Variants in ZNF835 observed in about 807,000 individuals in gnomAD.
ZNF835 encodes zinc finger protein 835.
For synonymous variants in ZNF835, 323 were observed against 324.7 expected, an observed-to-expected ratio of 0.99 and a Z score of 0.06; for missense variants, 783 against 758.4, an observed-to-expected ratio of 1.03 and a Z score of -0.38.
At chr19:56,665,419 T>A (rs780971488) in intron 1 of ZNF835, 174 bp from the exon 2 acceptor site, 2 of 764,254 alleles carry the variant, frequency 2.6e-6, no homozygotes, top group Admixed American at 3.4e-5. Context: ...TGTTGTGAGA[T>A]GTTGAGCAGC....
intron 1 of ZNF835, among the ~76,000 whole-genome samples, chr19:56,671,304 C>G (rs561570690): frequency 1.3e-5 from 2 of 151,502 alleles, no homozygotes; most frequent in Admixed American, 1.3e-4. Flanking sequence ...CTGGCACCGC[C>G]AAGTGAGCAG....
In ZNF835 at chr19:56,664,420, C is replaced by T. The variant is rs372907912; in HGVS notation, c.779G>A (p.Arg260His). The part of the protein sequence containing the change: ...YECSACAKAF[R>H]FSSALIRHQR... Reference sequence around the variant, plus strand: ...GTGGCGGATGAGCGCTGAGGAGAAGCGGAAGGCCTTGGCGCACGCGGAGCA... The same window carrying T: ...GTGGCGGATGAGCGCTGAGGAGAAGTGGAAGGCCTTGGCGCACGCGGAGCA... Residue 260 changes from arginine (R) to histidine (H), a missense_variant, in exon 2 of 2, where the codon CGC becomes CAC. Arg to His is a conservative substitution (Grantham distance 29, BLOSUM62 0). Transcript: ENST00000537055. 2 of 1,611,534 alleles carry T rather than the reference C, an allele frequency of 1.2e-6. No individual in the cohort carries two copies. The highest frequency in any genetic ancestry group is 1.3e-5 in the African/African-American group (1 of 74,288).
chr19:56,665,864 C>T (rs1362572636), intron 1 of ZNF835, among the ~76,000 whole-genome samples: 1 of 152,034 alleles, frequency 6.6e-6, no homozygotes, highest in East Asian at 1.9e-4. Flanking sequence ...ACAAAATTGC[C>T]CCCAGTTGGG....
In ZNF835 at chr19:56,664,662, C is replaced by T; in HGVS notation, c.537G>A (p.Ser179=). 3 of 1,609,618 alleles carry T rather than the reference C, an allele frequency of 1.9e-6. No individual in the cohort carries two copies. The highest frequency in any genetic ancestry group is 2.5e-6 in the Non-Finnish European group (3 of 1,178,162). Residue 179 remains serine, a synonymous_variant, in exon 2 of 2, where the codon TCG becomes TCA. Transcript: ENST00000537055. ...GCGTGCGCCAGTGGGACGCCAGGTACGAGCCCTGGCTGAAGGCCTTGCCGC... is the reference window on the plus strand; with the variant it reads ...GCGTGCGCCAGTGGGACGCCAGGTATGAGCCCTGGCTGAAGGCCTTGCCGC... The part of the protein sequence containing the change: ...HECGKAFSQG[S]YLASHWRTHT...
At chr19:56,666,800 C>T (rs982206196) in intron 1 of ZNF835, among the ~76,000 whole-genome samples, 1 of 152,138 alleles carries the variant, frequency 6.6e-6, no homozygotes, top group African/African-American at 2.4e-5. Flanking sequence ...GGCTCACTTA[C>T]TCTCTGCTCT....
At position 56,664,465 on chromosome 19, in the gene ZNF835, G is replaced by A; in HGVS notation, c.734C>T (p.Thr245Ile). ...GGAGCACTCGTAGGGCTTCTCACCGGTGTGGATGCGCTGGTGCTCTATCAG... is the reference window on the plus strand; with the variant it reads ...GGAGCACTCGTAGGGCTTCTCACCGATGTGGATGCGCTGGTGCTCTATCAG... ...SSLIEHQRIH[T>I]GEKPYECSAC... is the part of the protein sequence containing the mutation. The change falls in exon 2 of 2, where the codon ACC becomes ATC. Residue 245 changes from threonine to isoleucine, a missense_variant. By Grantham distance (89) the Thr-to-Ile change is moderately conservative. Coordinates refer to ENST00000537055, the MANE Select transcript of ZNF835 (RefSeq NM_001005850.3). The A allele has an allele frequency of 6.2e-7, 1 of 1,612,856 alleles. No homozygotes were observed. The highest frequency in any genetic ancestry group is 1.1e-5 in the South Asian group (1 of 91,040).
chr19:56,667,970 CTTTCTTTT>C (rs2045260229), intron 1 of ZNF835, among the ~76,000 whole-genome samples: 3 of 152,240 alleles, frequency 2.0e-5, no homozygotes, highest in Admixed American at 6.5e-5. Context: ...TTCTTTCTTT[CTTTCTTTT>C]TTTGTTTTTT....
intron 1 of ZNF835, among the ~76,000 whole-genome samples, chr19:56,665,788 G>T (rs1379978857): frequency 6.6e-6 from 1 of 152,150 alleles, no homozygotes; most frequent in East Asian, 1.9e-4. Context: ...GGGTGACAGT[G>T]TGAGACCCTG....
In ZNF835 at chr19:56,664,638, C is replaced by A. The variant is rs752611539; in HGVS notation, c.561G>T (p.Thr187=). The part of the protein sequence containing the change: ...QGSYLASHWR[T]HTGEKPHRCA... ...AGCGGTGCGGCTTCTCGCCCGTGTG[C>A]GTGCGCCAGTGGGACGCCAGGTACG... Residue 187 remains threonine (T), a synonymous_variant, in exon 2 of 2, where the codon ACG becomes ACT. Transcript: ENST00000537055. 3 of 1,607,302 alleles carry A rather than the reference C, an allele frequency of 1.9e-6. No individual in the cohort carries two copies. The highest frequency in any genetic ancestry group is 2.2e-5 in the South Asian group (2 of 90,666).
chr19:56,664,830 TG>T lies in ZNF835; in HGVS notation c.368del (p.Ser123Ter). 1 of 1,613,924 alleles carries T rather than the reference TG, an allele frequency of 6.2e-7. No individual in the cohort carries two copies. Among genetic ancestry groups the T allele is most frequent in the Non-Finnish European group, 8.5e-7 (1 of 1,179,934 alleles). ...GGATTCTCTGGTGTAAGATGAACGC[TG>T]AACAGTAGCTGAAGGCCTTCCCGCA... The part of the protein sequence containing the change: ...GDCGKAFSYC[S>X]AFILHQRIHT... On this transcript the variant is annotated frameshift_variant, in exon 2 of 2. Coordinates refer to ENST00000537055, the MANE Select transcript of ZNF835 (RefSeq NM_001005850.3). LOFTEE classifies it low-confidence loss of function (END_TRUNC).
intron 1 of ZNF835, among the ~76,000 whole-genome samples, chr19:56,666,310 T>C (rs2045245704): frequency 6.6e-6 from 1 of 152,206 alleles, no homozygotes; most frequent in African/African-American, 2.4e-5. Flanking sequence ...TTTCACCATA[T>C]TGGCCAGGCT....
At chr19:56,666,118 T>TTG (rs199959453) in intron 1 of ZNF835, among the ~76,000 whole-genome samples, 4,209 of 151,084 alleles carry the variant, frequency 0.028, 192 homozygotes, top group African/African-American at 0.098. Flanking sequence ...AATGGGACTG[T>TTG]TTTATTTTTT....
rs752894613 is a variant in ZNF835, at chr19:56,664,409, C to T, written c.790G>A (p.Ala264Thr). Residue 264 changes from alanine to threonine, a missense_variant, in exon 2 of 2, where the codon GCG becomes ACG. Physicochemically the swap from Ala to Thr is moderately conservative, Grantham distance 58 (BLOSUM62 0). Coordinates refer to ENST00000537055, the MANE Select transcript of ZNF835 (RefSeq NM_001005850.3). ...TGGATGCGCTGGTGGCGGATGAGCGCTGAGGAGAAGCGGAAGGCCTTGGCG... is the reference window on the plus strand; with the variant it reads ...TGGATGCGCTGGTGGCGGATGAGCGTTGAGGAGAAGCGGAAGGCCTTGGCG... ...ACAKAFRFSS[A>T]LIRHQRIHTE... The T allele has an allele frequency of 6.8e-6, 11 of 1,607,760 alleles. No individual in the cohort carries two copies. Among genetic ancestry groups the T allele is most frequent in the South Asian group, 4.4e-5 (4 of 90,800 alleles).
chr19:56,668,888 G>C (rs2045267252), intron 1 of ZNF835, among the ~76,000 whole-genome samples: 5 of 152,092 alleles, frequency 3.3e-5, no homozygotes. Context: ...GTGTGCAGGG[G>C]TACCCACCTC....
Position 56,663,911 on chromosome 19 carries a change from C to A in ZNF835, c.1288G>T (p.Gly430Cys). The change falls in exon 2 of 2, where the codon GGC becomes TGC. Residue 430 changes from glycine to cysteine, a missense_variant. Gly to Cys is a radical substitution (Grantham distance 159, BLOSUM62 -3). Transcript: ENST00000537055. Reference sequence around the variant, plus strand: ...CGCTGGTGCAGGGCGAGCGAGGAGCCCTGGCTGAAAGCTTTGCCGCACTCG... The same window carrying A: ...CGCTGGTGCAGGGCGAGCGAGGAGCACTGGCTGAAAGCTTTGCCGCACTCG... ...CGECGKAFSQ[G>C]SSLALHQRTH... The A allele has an allele frequency of 1.2e-6, 2 of 1,604,448 alleles. No individual in the cohort carries two copies.
rs1443598098 is a variant in ZNF835, at chr19:56,663,846, G to A, written c.1353C>T (p.Cys451=). ...TGERPYTCPE[C]GKAFSNRSYL... is the part of the protein sequence containing the mutation. The stretch of plus-strand genomic sequence containing the variant: ...AGGAGCGGTTGCTGAAGGCCTTGCC[G>A]CACTCGGGGCAGGTGTAGGGCCGCT... Residue 451 remains cysteine (C), a synonymous_variant, in exon 2 of 2, where the codon TGC becomes TGT. Coordinates refer to ENST00000537055, the MANE Select transcript of ZNF835 (RefSeq NM_001005850.3). 1.2e-6 allele frequency: 2 copies of A among 1,613,690 alleles called. No individual in the cohort carries two copies. The highest frequency in any genetic ancestry group is 2.7e-5 in the African/African-American group (2 of 75,046).
In ZNF835 at chr19:56,664,839, G is replaced by A; in HGVS notation, c.360C>T (p.Ser120=). 3 of 1,613,884 alleles carry A rather than the reference G, an allele frequency of 1.9e-6. No homozygotes were observed. The South Asian group carries it at 3.3e-5, about 18-fold the overall frequency. The change falls in exon 2 of 2, where the codon AGC becomes AGT. Residue 120 remains serine (S), a synonymous_variant. Transcript: ENST00000537055. ...GGTGTAAGATGAACGCTGAACAGTA[G>A]CTGAAGGCCTTCCCGCAGTCCCCGC... is the stretch of plus-strand genomic sequence containing the variant. ...WKCGDCGKAF[S]YCSAFILHQR...
chr19:56,663,344 G>C lies in ZNF835; in HGVS notation c.*241C>G. On this transcript the variant is annotated 3_prime_UTR_variant, in exon 2 of 2. Coordinates refer to ENST00000537055, the MANE Select transcript of ZNF835 (RefSeq NM_001005850.3). ...AAAGAAAAAAAGAAAGAAATTAAAG[G>C]CCAGCCATAGGTGTTTCTGCAGGTC... is the stretch of plus-strand genomic sequence containing the variant. 1 of 578,386 alleles carries C rather than the reference G, an allele frequency of 1.7e-6. No individual in the cohort carries two copies. Among genetic ancestry groups the C allele is most frequent in the Non-Finnish European group, 3.0e-6 (1 of 329,036 alleles). The allele number at this position is 578,386 out of a possible 1,614,324, so 35.8% of individuals were successfully genotyped here. A position where few individuals can be genotyped will look rare whatever the true frequency, so the allele number is the denominator to read the frequency against.
intron 1 of ZNF835, among the ~76,000 whole-genome samples, chr19:56,670,858 G>C (rs1252632152): frequency 1.3e-5 from 2 of 152,236 alleles, no homozygotes; most frequent in Non-Finnish European, 2.9e-5. Context: ...ACATGCACAC[G>C]TGGGGTCACA....
Sources: gnomAD v4.1 joint callset for allele counts (sites outside exome capture counted in the v4.1 genomes callset) on GRCh38, gnomAD v4.1.1 for gene constraint, MANE v1.5 for transcripts, NCBI Gene and HGNC (gene_info 2026-07-23, HGNC 2026-07-21) for gene names.